The following SLC45A4 variants were observed in gnomAD, a reference collection of about 807,000 sequenced individuals.
The protein encoded by SLC45A4 is polyamine-transporter SLC45A4.
In SLC45A4, 32 loss-of-function variants were observed where a neutral mutation model predicts 63.7. The observed-to-expected ratio is 0.50, with a 90% CI of 0.38 to 0.67. SLC45A4 has a LOEUF of 0.67. Ranked by LOEUF, SLC45A4 falls within the 30% of genes least tolerant of loss-of-function variation. The pLI is 0.00. For synonymous variants in SLC45A4, 535 were observed against 510.0 expected, an observed-to-expected ratio of 1.05 and a Z score of -0.66; for missense variants, 1,027 against 1,157.7, an observed-to-expected ratio of 0.89 and a Z score of 1.64.
chr8:141,280,559 T>C (rs536733916), intron 1 of SLC45A4, among the ~76,000 whole-genome samples: 1 of 152,196 alleles, frequency 6.6e-6, no homozygotes, highest in East Asian at 1.9e-4. Flanking sequence ...TGAGGCCGGC[T>C]CTGAGGGCAG....
chr8:141,291,460 T>C (rs1208602879), intron 1 of SLC45A4, among the ~76,000 whole-genome samples: 1 of 151,808 alleles, frequency 6.6e-6, no homozygotes, highest in African/African-American at 2.4e-5. Flanking sequence ...TTTAGGTTCA[T>C]ACCAAAACAA....
At chr8:141,244,621 T>C (rs1373311343) in intron 2 of SLC45A4, among the ~76,000 whole-genome samples, 1 of 152,054 alleles carries the variant, frequency 6.6e-6, no homozygotes, top group African/African-American at 2.4e-5. Flanking sequence ...AGTGGGAGCA[T>C]GCAGAGGGGC....
At chr8:141,292,972 A>G (rs1456036962) in intron 1 of SLC45A4, 55 of 152,172 alleles carry the variant, frequency 3.6e-4, no homozygotes, top group Admixed American at 3.5e-3. Flanking sequence ...AGGGGCCTAC[A>G]TACCCCCTAG....
chr8:141,219,762 C>G lies in SLC45A4; in HGVS notation c.498G>C (p.Val166=), dbSNP rs1020577015. 1.9e-6 allele frequency: 3 copies of G among 1,601,402 alleles called. No individual in the cohort carries two copies. The highest frequency in any genetic ancestry group is 2.7e-5 in the African/African-American group (2 of 74,698). ...TGGCATCGGCGCTGAAGTCCAGGAC[C>G]ACCACTCCCAGCACCGTGAGCACGA... ...IGIVLTVLGV[V]VLDFSADATE... is the part of the protein sequence containing the mutation. The change falls in exon 4 of 9, where the codon GTG becomes GTC. Residue 166 remains valine, a synonymous_variant. Coordinates refer to ENST00000517878, the MANE Select transcript of SLC45A4 (RefSeq NM_001286646.2).
At chr8:141,240,946 G>A (rs555183875) in intron 2 of SLC45A4, among the ~76,000 whole-genome samples, 58 of 152,308 alleles carry the variant, frequency 3.8e-4, no homozygotes, top group African/African-American at 1.3e-3. Context: ...GCAGCCGCCC[G>A]GATCCATGGG....
chr8:141,245,424 A>C (rs979738664), intron 2 of SLC45A4, among the ~76,000 whole-genome samples: 1 of 152,150 alleles, frequency 6.6e-6, no homozygotes, highest in Non-Finnish European at 1.5e-5. Flanking sequence ...GGAAAGTGTT[A>C]ATTCATCACT....
intron 1 of SLC45A4, among the ~76,000 whole-genome samples, chr8:141,263,787 AAAT>A (rs1554598348): frequency 1.4e-5 from 2 of 143,918 alleles, no homozygotes; most frequent in South Asian, 2.1e-4. Flanking sequence ...AAAAAAATAA[AAAT>A]AATAATAAAA....
chr8:141,283,307 TTCTC>T (rs1196444185), intron 1 of SLC45A4, among the ~76,000 whole-genome samples: 1 of 152,168 alleles, frequency 6.6e-6, no homozygotes, highest in Non-Finnish European at 1.5e-5. Context: ...CGCTCAGTAC[TTCTC>T]TCTAAGGGGC....
Position 141,212,386 on chromosome 8 carries a change from G to GA in SLC45A4, c.2111dup (p.Leu705ProfsTer69). 1 of 1,613,726 alleles carries GA rather than the reference G, an allele frequency of 6.2e-7. No individual in the cohort carries two copies. Among genetic ancestry groups the GA allele is most frequent in the Non-Finnish European group, 8.5e-7 (1 of 1,180,038 alleles). ...GGAATGTGGCCGTCAGGAAGCCCAG[G>GA]AAAGAGCCCACAGAGGCCACCATGG... On this transcript the variant is annotated frameshift_variant, in exon 8 of 9. Coordinates refer to ENST00000517878, the MANE Select transcript of SLC45A4 (RefSeq NM_001286646.2). LOFTEE classifies it high-confidence loss of function.
At chr8:141,286,492 C>A (rs555489808) in intron 1 of SLC45A4, among the ~76,000 whole-genome samples, 51 of 152,312 alleles carry the variant, frequency 3.3e-4, no homozygotes, top group Admixed American at 2.0e-3. Context: ...CACTTGAAAC[C>A]CTTTCCAGAT....
At chr8:141,264,529 A>C (rs1051287311) in intron 1 of SLC45A4, among the ~76,000 whole-genome samples, 2 of 152,120 alleles carry the variant, frequency 1.3e-5, no homozygotes, top group Admixed American at 6.5e-5. Context: ...TATTGCCAAG[A>C]ACTTTATGAG....
intron 2 of SLC45A4, among the ~76,000 whole-genome samples, chr8:141,239,548 T>G (rs1827797784): frequency 6.7e-6 from 1 of 150,230 alleles, no homozygotes; most frequent in East Asian, 2.0e-4. Flanking sequence ...AAGTAAGTGC[T>G]TACTCCAGGA....
At chr8:141,272,231 T>C (rs1415790283) in intron 1 of SLC45A4, among the ~76,000 whole-genome samples, 1 of 152,210 alleles carries the variant, frequency 6.6e-6, no homozygotes, top group Non-Finnish European at 1.5e-5. Flanking sequence ...ATTCATTCAG[T>C]TTAGAAGCAT....
intron 1 of SLC45A4, among the ~76,000 whole-genome samples, chr8:141,271,533 C>T (rs779198621): frequency 3.3e-5 from 5 of 152,214 alleles, no homozygotes; most frequent in Non-Finnish European, 5.9e-5. Flanking sequence ...CCTCGAGAGG[C>T]TGTGTGGGTG....
intron 2 of SLC45A4, among the ~76,000 whole-genome samples, chr8:141,237,397 A>C (rs1329216275): frequency 6.6e-6 from 1 of 152,074 alleles, no homozygotes; most frequent in Non-Finnish European, 1.5e-5. Flanking sequence ...GATTGTGCCC[A>C]GGGCCACCCT....
chr8:141,236,326 ACT>A, intron 2 of SLC45A4, among the ~76,000 whole-genome samples: 1 of 152,080 alleles, frequency 6.6e-6, no homozygotes, highest in Non-Finnish European at 1.5e-5. Context: ...TGGAACTCAA[ACT>A]CTCAGTTTCC....
At position 141,211,199 on chromosome 8, in the gene SLC45A4, A is replaced by G. The variant is rs970528353; in HGVS notation, c.*373T>C. ...CTCTGCTCTCAGGAATCCCCAGCAA[A>G]TGGTTTAGAGACGAATCAAAGTGCA... is the stretch of plus-strand genomic sequence containing the variant. On this transcript the variant is annotated 3_prime_UTR_variant, in exon 9 of 9. Coordinates refer to ENST00000517878, the MANE Select transcript of SLC45A4 (RefSeq NM_001286646.2). 5.1e-6 allele frequency: 2 copies of G among 394,098 alleles called. No individual in the cohort carries two copies. The highest frequency in any genetic ancestry group is 9.0e-6 in the Non-Finnish European group (2 of 222,196). 24.4% of individuals were successfully genotyped at this position (394,098 alleles called of 1,614,324 possible).
At chr8:141,242,709 T>C (rs998112477) in intron 2 of SLC45A4, among the ~76,000 whole-genome samples, 23 of 152,174 alleles carry the variant, frequency 1.5e-4, no homozygotes, top group African/African-American at 5.6e-4. Flanking sequence ...CTCCCTGCTC[T>C]CACTCACAGG....
chr8:141,291,803 C>G (rs980808460), intron 1 of SLC45A4, among the ~76,000 whole-genome samples: 1 of 152,228 alleles, frequency 6.6e-6, no homozygotes, highest in African/African-American at 2.4e-5. Context: ...TAGGTGTTAA[C>G]TCATGCATTT....
Sources: allele counts gnomAD v4.1 joint callset (sites outside exome capture counted in the v4.1 genomes callset), GRCh38; gene constraint gnomAD v4.1.1; transcripts MANE v1.5; gene names NCBI Gene and HGNC (gene_info 2026-07-23, HGNC 2026-07-21).